Variants in SEPTIN10 observed in about 807,000 individuals in gnomAD.
The protein encoded by SEPTIN10 is septin 10, also known as septin-10.
In SEPTIN10, 66 loss-of-function variants were observed where a neutral mutation model predicts 54.8. The ratio of observed to expected loss-of-function variants is 1.21; its 90% CI spans 0.99 to 1.48. The LOEUF (loss-of-function observed/expected upper bound fraction) is 1.48, where lower values mean the gene tolerates loss of function less well. Among genes scored for constraint, SEPTIN10 ranks in the 40% most tolerant of loss-of-function variants. The probability of loss-of-function intolerance (pLI) is 0.00; values close to 1 mark genes in which losing one functional copy is unlikely to be tolerated. For missense variants in SEPTIN10, 620 were observed against 545.6 expected, an observed-to-expected ratio of 1.14 and a Z score of -1.36; for synonymous variants, 161 against 181.0, an observed-to-expected ratio of 0.89 and a Z score of 0.89.
chr2:109,559,947 G>T (rs1366552119), intron 8 of SEPTIN10, among the ~76,000 whole-genome samples: 2 of 147,106 alleles, frequency 1.4e-5, no homozygotes, highest in Non-Finnish European at 3.0e-5. Context: ...TTAAGATGGG[G>T]TCTCGCTCTG....
intron 9 of SEPTIN10, among the ~76,000 whole-genome samples, chr2:109,551,632 T>C (rs1432114794): frequency 6.6e-6 from 1 of 152,254 alleles, no homozygotes; most frequent in Admixed American, 6.5e-5. Flanking sequence ...CTTTCACTTT[T>C]CTGTTGTTTG....
chr2:109,576,618 AAAG>A (rs940998816), intron 4 of SEPTIN10, among the ~76,000 whole-genome samples: 10 of 152,194 alleles, frequency 6.6e-5, no homozygotes, highest in Non-Finnish European at 1.2e-4. Flanking sequence ...TAAAAATTCC[AAAG>A]AAGCTTTTAT....
chr2:109,564,301 T>C (rs1166100346), intron 8 of SEPTIN10, 65 bp downstream of exon 8: 2 of 1,364,450 alleles, frequency 1.5e-6, no homozygotes, highest in African/African-American at 2.9e-5. Flanking sequence ...TCATCCTGGA[T>C]ATATAAAAAT....
intron 5 of SEPTIN10, 138 bp downstream of exon 5, chr2:109,574,443 T>TAAAAAA (rs55980206): frequency 2.2e-5 from 6 of 271,388 alleles, no homozygotes; most frequent in East Asian, 1.3e-4. Context: ...ACTTTATCTC[T>TAAAAAA]AAAAAAAAAA....
chr2:109,602,987 T>A (rs1253088206), intron 1 of SEPTIN10, among the ~76,000 whole-genome samples: 1 of 150,470 alleles, frequency 6.6e-6, no homozygotes, highest in Non-Finnish European at 1.5e-5. Context: ...AGGAGGATCA[T>A]CTGAGCCTGG....
chr2:109,580,859 C>G (rs957703860), intron 4 of SEPTIN10, among the ~76,000 whole-genome samples: 1 of 152,166 alleles, frequency 6.6e-6, no homozygotes, highest in Non-Finnish European at 1.5e-5. Context: ...CCGGGCAGAG[C>G]GCAAAGACAG....
At chr2:109,556,111 G>A (rs1351061788) in intron 8 of SEPTIN10, among the ~76,000 whole-genome samples, 5 of 152,162 alleles carry the variant, frequency 3.3e-5, no homozygotes, top group South Asian at 2.1e-4. Flanking sequence ...CTGGGAAGAG[G>A]AGGAAGATTT....
At chr2:109,594,279 A>C (rs1256553324) in intron 1 of SEPTIN10, among the ~76,000 whole-genome samples, 1 of 152,196 alleles carries the variant, frequency 6.6e-6, no homozygotes, top group African/African-American at 2.4e-5. Flanking sequence ...GGTAAAAAAA[A>C]AATTGCAAAT....
chr2:109,586,787 C>T (rs1394085381), intron 2 of SEPTIN10, among the ~76,000 whole-genome samples: 2 of 152,150 alleles, frequency 1.3e-5, no homozygotes, highest in South Asian at 4.1e-4. Flanking sequence ...AGATGGGCCA[C>T]ATTTTAGGAG....
rs180854831 is a variant in SEPTIN10 at position 109,576,860 on chromosome 2, A to G, written c.414-2093T>C. On this transcript the variant is annotated intron_variant, in intron 4 of 10. Transcript: ENST00000397712. ...AGAAGATATAATGAGAAGATCTAAC[A>G]TATATTTCATCAAAGTTTTCAAAGG... 3.6e-3 allele frequency among the ~76,000 whole-genome samples: 555 copies of G among 152,336 alleles called. 3 individuals are homozygous for G. The highest frequency in any genetic ancestry group is 0.013 in the African/African-American group (544 of 41,574).
chr2:109,565,615 C>T, intron 7 of SEPTIN10, 148 bp downstream of exon 7: 1 of 681,240 alleles, frequency 1.5e-6, no homozygotes, highest in Non-Finnish European at 2.6e-6. Flanking sequence ...CTCTACACGG[C>T]CTCCAGACTT....
chr2:109,591,424 G>A (rs927028625), intron 2 of SEPTIN10, among the ~76,000 whole-genome samples: 2 of 152,114 alleles, frequency 1.3e-5, no homozygotes, highest in African/African-American at 4.8e-5. Context: ...GCCACTGGAT[G>A]GACTAGTCAC....
rs200004352 is a variant in SEPTIN10 at position 109,567,941 on chromosome 2, C to T, written c.636G>A (p.Thr212=). 6.3e-5 allele frequency: 102 copies of T among 1,613,038 alleles called. No homozygotes were observed. The highest frequency in any genetic ancestry group is 4.5e-4 in the African/African-American group (34 of 74,952). Residue 212 remains threonine, a synonymous_variant, in exon 6 of 11, where the codon ACG becomes ACA. Coordinates refer to ENST00000397712, the MANE Select transcript of SEPTIN10 (RefSeq NM_144710.5). The part of the protein sequence containing the change: ...NIIPVIAKAD[T]VSKTELQKFK... ...ACTTCTGTAATTCAGTTTTAGAAAC[C>T]GTATCTGCTTTGGCAATCACTGGTA...
intron 4 of SEPTIN10, among the ~76,000 whole-genome samples, chr2:109,584,451 G>A (rs1471953661): frequency 2.8e-5 from 4 of 141,456 alleles, no homozygotes; most frequent in African/African-American, 1.1e-4. Context: ...CTCCAGACTG[G>A]GTGACAGAGC....
chr2:109,606,339 C>T lies in SEPTIN10; in HGVS notation c.30+7459G>A, dbSNP rs139557711. Reference sequence around the variant, plus strand: ...CTGAGGCAGGAGAATCGTTTGAACCCGGGAGGCAGAGGTTGCAGTGAGCCA... The same window carrying T: ...CTGAGGCAGGAGAATCGTTTGAACCTGGGAGGCAGAGGTTGCAGTGAGCCA... On this transcript the variant is annotated intron_variant, in intron 1 of 10. Transcript: ENST00000397712. Among the ~76,000 whole-genome samples the T allele has an allele frequency of 9.5e-3, 1,447 of 151,686 alleles. 63 individuals are homozygous for T. The East Asian group carries it at 0.13, about 13-fold the overall frequency.
At chr2:109,562,980 A>G (rs1425988619) in intron 8 of SEPTIN10, among the ~76,000 whole-genome samples, 1 of 151,496 alleles carries the variant, frequency 6.6e-6, no homozygotes, top group African/African-American at 2.4e-5. Flanking sequence ...GCACGATCTC[A>G]GCTCACTGTA....
rs1442336421 is a variant in SEPTIN10 at position 109,544,317 on chromosome 2, A to C, written c.1357T>G (p.Phe453Val). 1 of 1,590,674 alleles carries C rather than the reference A, an allele frequency of 6.3e-7. No homozygotes were observed. The highest frequency in any genetic ancestry group is 8.5e-7 in the Non-Finnish European group (1 of 1,174,346). Residue 453 changes from phenylalanine to valine, a missense_variant, in exon 11 of 11, where the codon TTT (phenylalanine) becomes GTT (valine). Phe to Val is a conservative substitution (Grantham distance 50). Transcript: ENST00000397712. ...RKDKDRKNSN[F>V]L ...GCTCTGGAACTTCTGTTTTACAAAA[A>C]ATTGGAGCTGGAAAGAAAAAGAACC... is the stretch of plus-strand genomic sequence containing the variant.
chr2:109,608,972 A>G (rs1411596458), intron 1 of SEPTIN10, among the ~76,000 whole-genome samples: 2 of 152,242 alleles, frequency 1.3e-5, no homozygotes, highest in African/African-American at 4.8e-5. Flanking sequence ...ATTCTTGAAG[A>G]GAGGGACTCT....
Position 109,585,759 on chromosome 2 carries a change from G to T in SEPTIN10, c.179C>A (p.Ser60Tyr). Residue 60 changes from serine (S) to tyrosine (Y), a missense_variant, in exon 3 of 11, where the codon TCC becomes TAC. By Grantham distance (144) the Ser-to-Tyr change is moderately radical (BLOSUM62 -2). Transcript: ENST00000397712. The part of the protein sequence containing the change: ...ESLPDQLVNR[S>Y]IQQGFCFNIL... Reference sequence around the variant, plus strand: ...ATTAAAGCAGAAACCTTGCTGAATGGATCTGTTCACCAGCTGATCAGGCAA... The same window carrying T: ...ATTAAAGCAGAAACCTTGCTGAATGTATCTGTTCACCAGCTGATCAGGCAA... 3 of 1,613,460 alleles carry T rather than the reference G, an allele frequency of 1.9e-6. No homozygotes were observed.
Sources: gnomAD v4.1 joint callset for allele counts (sites outside exome capture counted in the v4.1 genomes callset) on GRCh38, gnomAD v4.1.1 for gene constraint, MANE v1.5 for transcripts, NCBI Gene and HGNC (gene_info 2026-07-23, HGNC 2026-07-21) for gene names.